Variants in UTS2 observed in about 807,000 individuals in gnomAD.
The protein encoded by UTS2 is urotensin-2.
In UTS2, 10 loss-of-function variants were observed where a neutral mutation model predicts 12.6. That is an observed-to-expected ratio of 0.80 (90% CI 0.49 to 1.35). The LOEUF (loss-of-function observed/expected upper bound fraction) is 1.35. UTS2 is among the 40% of genes most tolerant of loss of function. UTS2 has a pLI of 0.00. For missense variants in UTS2, 142 were observed against 143.2 expected, an observed-to-expected ratio of 0.99 and a Z score of 0.04; for synonymous variants, 52 against 50.0, an observed-to-expected ratio of 1.04 and a Z score of -0.17.
the UTS2 span, among the ~76,000 whole-genome samples, chr1:7,906,483 G>GAAAGAAAGAA: frequency 1.6e-5 from 2 of 123,092 alleles, no homozygotes; most frequent in South Asian, 3.0e-4. Flanking sequence ...AAGAAAGAAA[G>GAAAGAAAGAA]AAAGAAAGAA....
Position 7,849,677 on chromosome 1 carries a change from C to T in UTS2, c.221G>A (p.Ser74Asn), listed in dbSNP as rs2890565. 74,184 of 1,607,856 alleles carry T rather than the reference C, an allele frequency of 0.046. 4,932 individuals carry two copies. Among genetic ancestry groups the T allele is most frequent in the Admixed American group, 0.27 (15,676 of 57,510 alleles). ...RGDILRKADSSTNIFNPRGNL... is the reference protein window; with the variant it reads ...RGDILRKADSNTNIFNPRGNL... ...TCCTCTTGGGTTAAAAATGTTGGTA[C>T]TTGAGTCTGAAAAACAGTTTTGAAG... The change falls in exon 3 of 4, where the codon AGT becomes AAT. Residue 74 changes from serine (S) to asparagine (N), a missense_variant. Coordinates refer to ENST00000361696, the MANE Select transcript of UTS2 (RefSeq NM_006786.4).
the UTS2 span, among the ~76,000 whole-genome samples, chr1:7,911,372 G>A: frequency 6.6e-6 from 1 of 151,942 alleles, no homozygotes; most frequent in African/African-American, 2.4e-5. Context: ...AATCCAAGAA[G>A]AGCATTTACT....
the UTS2 span, among the ~76,000 whole-genome samples, chr1:7,890,370 T>C: frequency 1.3e-5 from 2 of 152,050 alleles, no homozygotes; most frequent in Non-Finnish European, 2.9e-5. Flanking sequence ...ACCCTCTCCC[T>C]AAGGGCCATG....
At chr1:7,864,028 G>A in the UTS2 span, among the ~76,000 whole-genome samples, 14 of 152,354 alleles carry the variant, frequency 9.2e-5, no homozygotes, top group East Asian at 5.8e-4. Context: ...GAGTGGAAGC[G>A]TCAGCGTGTC....
rs556592626 is a variant in UTS2, at chr1:7,852,185, A to G, written c.103+716T>C. Among the ~76,000 whole-genome samples the G allele has an allele frequency of 2.6e-5, 4 of 152,284 alleles. No individual in the cohort carries two copies. In the East Asian group the frequency reaches 5.8e-4, roughly 22 times the overall value. On this transcript the variant is annotated intron_variant, in intron 1 of 3. Transcript: ENST00000361696. Reference sequence around the variant, plus strand: ...TCTTTATTTAAAAAAAGCCTATTTAAAAAGTACTCAAGATTAAAGATAAGA... The same window carrying G: ...TCTTTATTTAAAAAAAGCCTATTTAGAAAGTACTCAAGATTAAAGATAAGA...
At chr1:7,899,887 C>G in the UTS2 span, among the ~76,000 whole-genome samples, 5 of 152,264 alleles carry the variant, frequency 3.3e-5, no homozygotes, top group East Asian at 7.7e-4. Context: ...GGAAGCTTCA[C>G]GAGGGAAAGA....
At chr1:7,865,441 G>A in the UTS2 span, among the ~76,000 whole-genome samples, 2 of 25,558 alleles carry the variant, frequency 7.8e-5, no homozygotes, top group African/African-American at 1.0e-4. Context: ...CTGTCTGTCC[G>A]ATACCATCTT....
chr1:7,911,947 G>T, the UTS2 span, among the ~76,000 whole-genome samples: 1 of 151,458 alleles, frequency 6.6e-6, no homozygotes, highest in Admixed American at 6.6e-5. Flanking sequence ...GTGGATTCTG[G>T]CTTGTTATAT....
the UTS2 span, among the ~76,000 whole-genome samples, chr1:7,868,449 TCGGCCCTGTGGGGTAGC>T: frequency 6.6e-6 from 1 of 152,158 alleles, no homozygotes; most frequent in African/African-American, 2.4e-5. Context: ...CTGCAAGCAC[TCGGCCCTGTGGGGTAGC>T]AGGGAGTGTG....
chr1:7,874,482 GC>G, the UTS2 span, among the ~76,000 whole-genome samples: 6 of 152,196 alleles, frequency 3.9e-5, no homozygotes, highest in Admixed American at 3.3e-4. Flanking sequence ...GAAGGCTGCA[GC>G]CTCACAATGC....
chr1:7,891,586 A>AAGAAAGAC, the UTS2 span, among the ~76,000 whole-genome samples: 1 of 151,558 alleles, frequency 6.6e-6, no homozygotes, highest in African/African-American at 2.4e-5. Flanking sequence ...GAAAGAAAGA[A>AAGAAAGAC]AGAAAGAAAG....
the UTS2 span, among the ~76,000 whole-genome samples, chr1:7,863,010 AT>A: frequency 4.7e-5 from 1 of 21,096 alleles, no homozygotes; most frequent in South Asian, 1.6e-3. Flanking sequence ...ATTGTATTGT[AT>A]TGTATTGTAT....
chr1:7,886,083 C>T, the UTS2 span, among the ~76,000 whole-genome samples: 3 of 116,442 alleles, frequency 2.6e-5, no homozygotes, highest in East Asian at 2.1e-4. Flanking sequence ...CAGGTGTAAA[C>T]CTCCATGTGG....
At chr1:7,852,161 C>T (rs370627799) in intron 1 of UTS2, among the ~76,000 whole-genome samples, 195 of 150,094 alleles carry the variant, frequency 1.3e-3, no homozygotes, top group South Asian at 3.2e-3. Context: ...TGTTTTTTTT[C>T]TTTATTTAAA....
At chr1:7,905,472 A>C in the UTS2 span, among the ~76,000 whole-genome samples, 1 of 150,266 alleles carries the variant, frequency 6.7e-6, no homozygotes, top group Non-Finnish European at 1.5e-5. Flanking sequence ...TTGGTGCAAA[A>C]GTAATTGCGG....
In UTS2 at chr1:7,850,854, C is replaced by G; in HGVS notation, c.172G>C (p.Glu58Gln). The G allele has an allele frequency of 1.2e-6, 2 of 1,614,212 alleles. No homozygotes were observed. The highest frequency in any genetic ancestry group is 2.2e-5 in the East Asian group (1 of 44,882). Residue 58 changes from glutamate (E) to glutamine (Q), a missense_variant, in exon 2 of 4, where the codon GAG (glutamate) becomes CAG (glutamine). Physicochemically the swap from Glu to Gln is conservative, Grantham distance 29. Coordinates refer to ENST00000361696, the MANE Select transcript of UTS2 (RefSeq NM_006786.4). ...TCCCCTCTTTCTGCACCCAGCATCTCTGGCAGTATCTGTAGAAGGGAAGCT... is the reference window on the plus strand; with the variant it reads ...TCCCCTCTTTCTGCACCCAGCATCTGTGGCAGTATCTGTAGAAGGGAAGCT... Reference protein sequence around the residue: ...ERASLLQILPEMLGAERGDIL... With the variant: ...ERASLLQILPQMLGAERGDIL...
intron 3 of UTS2, among the ~76,000 whole-genome samples, chr1:7,848,301 T>C (rs2097409945): frequency 6.6e-6 from 1 of 151,844 alleles, no homozygotes; most frequent in South Asian, 2.1e-4. Flanking sequence ...TAGCTGGGTG[T>C]GGTGGCGGGC....
intron 3 of UTS2, among the ~76,000 whole-genome samples, chr1:7,849,379 T>G (rs1578023977): frequency 6.6e-6 from 1 of 152,024 alleles, no homozygotes; most frequent in East Asian, 1.9e-4. Flanking sequence ...CCCAGCTAAT[T>G]TTTGTATTTT....
chr1:7,897,363 T>G, the UTS2 span, among the ~76,000 whole-genome samples: 1 of 152,190 alleles, frequency 6.6e-6, no homozygotes, highest in Non-Finnish European at 1.5e-5. Context: ...TAGGAATGAC[T>G]GGGCTATTCT....
Sources: gnomAD v4.1 joint callset for allele counts (sites outside exome capture counted in the v4.1 genomes callset) on GRCh38, gnomAD v4.1.1 for gene constraint, MANE v1.5 for transcripts, NCBI Gene and HGNC (gene_info 2026-07-23, HGNC 2026-07-21) for gene names.